The following CELF2 variants were observed in gnomAD, a reference collection of about 807,000 sequenced individuals.
The protein encoded by CELF2 is CUGBP Elav-like family member 2.
CELF2 carries 8 observed loss-of-function variants against 62.6 expected under a neutral mutation model. The ratio of observed to expected loss-of-function variants is 0.13; its 90% confidence interval spans 0.07 to 0.23. The LOEUF is 0.23. CELF2 is among the 10% of genes least tolerant of loss of function. CELF2 has a pLI of 1.00. For synonymous variants in CELF2, 258 were observed against 250.0 expected (o/e 1.03, Z -0.30); for missense variants, 333 against 671.0 (o/e 0.50, Z 5.56).
rs1423990475 is a variant in CELF2 at position 10,957,015 on chromosome 10, G to T, written c.89+37016G>T. Among the ~76,000 whole-genome samples, 1 of 152,000 alleles carries T rather than the reference G, an allele frequency of 6.6e-6. No individual in the cohort carries two copies. The highest frequency in any genetic ancestry group is 2.1e-4 in the South Asian group (1 of 4,818). ...CAGGTCCTCTTAGAATGAGCCTAAC[G>T]CTGCTTCCTATAACTCCAATGAGTG... On this transcript the variant is annotated intron_variant, in intron 2 of 13. Coordinates refer to the CELF2 transcript ENST00000636488. The surrounding 1 kb of genome is among the most constrained non-coding windows in gnomAD (Gnocchi z 4.1).
chr10:10,736,398 T>TTC, the CELF2 span, among the ~76,000 whole-genome samples: 46 of 119,744 alleles, frequency 3.8e-4, no homozygotes, highest in East Asian at 9.6e-3. Flanking sequence ...CTTTCTTTCT[T>TTC]TTTTTTTTTT....
At chr10:11,276,169 A>C (rs1291516182) in intron 8 of CELF2, among the ~76,000 whole-genome samples, 1 of 151,746 alleles carries the variant, frequency 6.6e-6, no homozygotes, top group East Asian at 1.9e-4. Context: ...TTCACTTCAA[A>C]TGAATCTGGA....
chr10:11,120,271 G>C (rs148133117), intron 1 of CELF2, among the ~76,000 whole-genome samples: 8 of 152,206 alleles, frequency 5.3e-5, no homozygotes, highest in Non-Finnish European at 7.4e-5. Context: ...CTACTTAATA[G>C]TCCCAAGGAG....
the CELF2 span, among the ~76,000 whole-genome samples, chr10:10,467,305 G>A: frequency 2.6e-5 from 4 of 151,912 alleles, no homozygotes; most frequent in African/African-American, 9.7e-5. Flanking sequence ...TTGTCATATG[G>A]AGAGCCAGTT....
Position 10,934,725 on chromosome 10 carries a change from G to A in CELF2, c.89+14726G>A, listed in dbSNP as rs945589120. The A allele has an allele frequency of 6.6e-6, 1 of 152,142 alleles. No individual in the cohort carries two copies. The highest frequency in any genetic ancestry group is 2.4e-5 in the African/African-American group (1 of 41,430). The allele number at this position is 152,142 out of a possible 1,614,324, so 9.4% of individuals were successfully genotyped here. On this transcript the variant is annotated intron_variant, in intron 2 of 13. Coordinates refer to the CELF2 transcript ENST00000636488. This position sits in a 1 kb window ranked among gnomAD's most constrained non-coding sequence, Gnocchi z 4.4. ...TTTTACTGAGTTCGAGAGGGTGAGG[G>A]TTGAGGGGCAGTTCTGGATGTAGAA...
the CELF2 span, among the ~76,000 whole-genome samples, chr10:10,682,964 A>G: frequency 1.3e-5 from 2 of 152,186 alleles, no homozygotes; most frequent in South Asian, 2.1e-4. Context: ...GACAACATGG[A>G]CCAGCAAGCC....
intron 3 of CELF2, among the ~76,000 whole-genome samples, chr10:11,221,417 A>G (rs1237708601): frequency 6.6e-6 from 1 of 152,256 alleles, no homozygotes; most frequent in Non-Finnish European, 1.5e-5. Context: ...AAAATAAAGT[A>G]AAATAGAGAC....
chr10:11,185,660 T>C (rs640287), intron 2 of CELF2, among the ~76,000 whole-genome samples: 73,426 of 152,082 alleles, frequency 0.48, 18,877 homozygotes, highest in East Asian at 0.84. Context: ...GTGATGCGCC[T>C]GCCTCAGCCT....
the CELF2 span, among the ~76,000 whole-genome samples, chr10:10,761,259 G>A: frequency 6.6e-6 from 1 of 152,190 alleles, no homozygotes; most frequent in African/African-American, 2.4e-5. Context: ...CACATAAGAA[G>A]TTGAATGAGT....
At chr10:11,009,211 G>A (rs1025218359) in intron 1 of CELF2, among the ~76,000 whole-genome samples, 5 of 152,064 alleles carry the variant, frequency 3.3e-5, no homozygotes, top group African/African-American at 1.2e-4. Context: ...GGACGTGGGA[G>A]GTTTTAATGT....
At position 11,157,407 on chromosome 10, in the gene CELF2, C is replaced by A. The variant is rs1010661106; in HGVS notation, c.75-8079C>A. Reference sequence around the variant, plus strand: ...CGCCCTCCCCCCACACACACACACACAAAAATTTCACTTAAACATTGCTCA... The same window carrying A: ...CGCCCTCCCCCCACACACACACACAAAAAAATTTCACTTAAACATTGCTCA... On this transcript the variant is annotated intron_variant, in intron 1 of 12. Coordinates refer to ENST00000633077, the MANE Select transcript of CELF2 (RefSeq NM_001326342.2). This position sits in a 1 kb window ranked among gnomAD's most constrained non-coding sequence, Gnocchi z 4.9. 6.0e-5 allele frequency among the ~76,000 whole-genome samples: 9 copies of A among 150,184 alleles called. No individual in the cohort carries two copies. The highest frequency in any genetic ancestry group is 2.1e-4 in the South Asian group (1 of 4,812).
At chr10:11,198,221 TC>T (rs990535446) in intron 2 of CELF2, among the ~76,000 whole-genome samples, 1 of 152,240 alleles carries the variant, frequency 6.6e-6, no homozygotes, top group African/African-American at 2.4e-5. Flanking sequence ...CTTATTCTGT[TC>T]CGTGTGGCAG....
Position 11,260,508 on chromosome 10 carries a change from G to T in CELF2, c.538+2636G>T, listed in dbSNP as rs2080181487. Among the ~76,000 whole-genome samples, 1 of 152,200 alleles carries T rather than the reference G, an allele frequency of 6.6e-6. No homozygotes were observed. Among genetic ancestry groups the T allele is most frequent in the Non-Finnish European group, 1.5e-5 (1 of 68,042 alleles). On this transcript the variant is annotated intron_variant, in intron 5 of 12. Transcript: ENST00000633077. This position sits in a 1 kb window ranked among gnomAD's most constrained non-coding sequence, Gnocchi z 4.2. ...CTTAACAAGAGAACTTAGCTAATTTGATCTGCCATTTGGTTGATTAACCAG... is the reference window on the plus strand; with the variant it reads ...CTTAACAAGAGAACTTAGCTAATTTTATCTGCCATTTGGTTGATTAACCAG...
chr10:10,793,457 A>G (rs1473837840), upstream of CELF2, among the ~76,000 whole-genome samples: 3 of 152,342 alleles, frequency 2.0e-5, no homozygotes, highest in East Asian at 5.8e-4. Context: ...GGAAAAACAA[A>G]CAAACAAACA....
intron 1 of CELF2, among the ~76,000 whole-genome samples, chr10:11,106,439 GT>G (rs1001235440): frequency 8.5e-5 from 13 of 152,158 alleles, no homozygotes; most frequent in African/African-American, 2.9e-4. Flanking sequence ...GTTTTGCCAT[GT>G]TGGCCAGGCT....
Position 11,165,089 on chromosome 10 carries a change from A to C in CELF2, c.75-397A>C. The C allele has an allele frequency of 1.0e-6, 1 of 997,586 alleles. No homozygotes were observed. Among genetic ancestry groups the C allele is most frequent in the Non-Finnish European group, 1.2e-6 (1 of 837,190 alleles). The allele number at this position is 997,586 out of a possible 1,614,324, so 61.8% of individuals were successfully genotyped here. ...AGGGAGAGAAATCCAGCAGACATCT[A>C]GCTCTGCCTTTCTTTCCCAGCCACA... On this transcript the variant is annotated intron_variant, in intron 1 of 12. Coordinates refer to ENST00000633077, the MANE Select transcript of CELF2 (RefSeq NM_001326342.2). This position sits in a 1 kb window ranked among gnomAD's most constrained non-coding sequence, Gnocchi z 7.4.
At chr10:11,251,174 C>T (rs1252792091) in intron 4 of CELF2, among the ~76,000 whole-genome samples, 1 of 151,112 alleles carries the variant, frequency 6.6e-6, no homozygotes, top group Non-Finnish European at 1.5e-5. Flanking sequence ...GGGTTTGTCT[C>T]ACTTCTGAAC....
chr10:10,657,137 AAAG>A, the CELF2 span, among the ~76,000 whole-genome samples: 5 of 152,180 alleles, frequency 3.3e-5, no homozygotes, highest in African/African-American at 9.6e-5. Flanking sequence ...TGGTTAAGTT[AAAG>A]AAGAAGTCAG....
chr10:11,320,001 C>A (rs1005109174), intron 10 of CELF2: 1 of 376,976 alleles, frequency 2.7e-6, no homozygotes, highest in Admixed American at 3.1e-5. Context: ...TTCAGTTAGC[C>A]ATCCTTGCTG....
Sources: gnomAD v4.1 joint callset for allele counts (sites outside exome capture counted in the v4.1 genomes callset) on GRCh38, gnomAD v4.1.1 for gene constraint, Gnocchi (gnomAD v3.1) non-coding constraint, MANE v1.5 for transcripts, NCBI Gene and HGNC (gene_info 2026-07-23, HGNC 2026-07-21) for gene names.